CFAP20DC: variants seen among roughly 807,000 people sequenced by gnomAD.
The protein encoded by CFAP20DC is CFAP20 domain containing, also known as protein CFAP20DC.
A neutral mutation model predicts 101.7 loss-of-function variants in CFAP20DC; 84 were observed. The ratio of observed to expected loss-of-function variants is 0.83; its 90% CI spans 0.69 to 0.99. The LOEUF is 0.99. Among genes scored for constraint, CFAP20DC ranks in the 50% least tolerant of loss-of-function variants. The probability of loss-of-function intolerance (pLI) is 0.00; values close to 1 mark genes in which losing one functional copy is unlikely to be tolerated. For synonymous variants in CFAP20DC, 359 were observed against 351.2 expected (o/e 1.02, Z -0.25); for missense variants, 1,007 against 970.3 (o/e 1.04, Z -0.50).
At chr3:58,786,159 A>G (rs1260358383) in intron 15 of CFAP20DC, among the ~76,000 whole-genome samples, 1 of 152,138 alleles carries the variant, frequency 6.6e-6, no homozygotes, top group Non-Finnish European at 1.5e-5. Flanking sequence ...TCCTTCTTTT[A>G]TTACAGGGTC....
intron 6 of CFAP20DC, among the ~76,000 whole-genome samples, chr3:58,890,185 A>AC (rs1162285205): frequency 1.5e-4 from 22 of 142,336 alleles, no homozygotes; most frequent in African/African-American, 3.2e-4. Flanking sequence ...CAGGGGGCTG[A>AC]CCCCCCCACC....
intron 4 of CFAP20DC, among the ~76,000 whole-genome samples, chr3:58,978,417 G>C (rs1423148262): frequency 2.0e-5 from 3 of 152,066 alleles, no homozygotes; most frequent in Non-Finnish European, 4.4e-5. Context: ...CTCAAGAAAA[G>C]TATTATTCTT....
intron 14 of CFAP20DC, among the ~76,000 whole-genome samples, chr3:58,807,973 G>T (rs1240331681): frequency 3.3e-5 from 5 of 152,168 alleles, no homozygotes; most frequent in Non-Finnish European, 7.3e-5. Context: ...AGTGATGGAA[G>T]ATGAAATGAA....
chr3:58,864,828 G>A lies in CFAP20DC; in HGVS notation c.1259-936C>T, dbSNP rs943969026. Among the ~76,000 whole-genome samples, 3 of 152,144 alleles carry A rather than the reference G, an allele frequency of 2.0e-5. No homozygotes were observed. The highest frequency in any genetic ancestry group is 4.4e-5 in the Non-Finnish European group (3 of 68,016). On this transcript the variant is annotated intron_variant, in intron 11 of 16. Coordinates refer to ENST00000482387, the MANE Select transcript of CFAP20DC (RefSeq NM_001394063.1). The surrounding 1 kb of genome is among the most constrained non-coding windows in gnomAD (Gnocchi z 4.7). ...TCTGCTGGGTGAAAAAGGTCTTTAA[G>A]TTTACAAGAGACAATGTTTTGATAT...
At chr3:58,862,325 G>C (rs2079319038) in intron 12 of CFAP20DC, 1 of 985,376 alleles carries the variant, frequency 1.0e-6, no homozygotes, top group African/African-American at 1.7e-5. Context: ...ACACTATTAG[G>C]TGCTGAAGAC....
chr3:59,005,210 G>C (rs1471405848), intron 4 of CFAP20DC, among the ~76,000 whole-genome samples: 1 of 152,080 alleles, frequency 6.6e-6, no homozygotes, highest in Admixed American at 6.6e-5. Flanking sequence ...GGCCTTGGTG[G>C]CTTCTGTTTT....
intron 14 of CFAP20DC, among the ~76,000 whole-genome samples, chr3:58,815,368 T>G (rs2075031597): frequency 6.8e-6 from 1 of 147,250 alleles, no homozygotes; most frequent in Non-Finnish European, 1.5e-5. Context: ...CAAGATGGAT[T>G]AAAGACTTAA....
Position 58,892,907 on chromosome 3 carries a change from C to T in CFAP20DC, c.551-8198G>A, listed in dbSNP as rs963503344. Among the ~76,000 whole-genome samples, 3 of 152,124 alleles carry T rather than the reference C, an allele frequency of 2.0e-5. No individual in the cohort carries two copies. The highest frequency in any genetic ancestry group is 6.5e-5 in the Admixed American group (1 of 15,276). On this transcript the variant is annotated intron_variant, in intron 6 of 16. Transcript: ENST00000482387. The surrounding 1 kb of genome is among the most constrained non-coding windows in gnomAD (Gnocchi z 4.0). Reference sequence around the variant, plus strand: ...TGAGAGAGGGCATTCTTGTCTTGTGCTGGTTTCCAAGGGGAATGCTTTCAG... The same window carrying T: ...TGAGAGAGGGCATTCTTGTCTTGTGTTGGTTTCCAAGGGGAATGCTTTCAG...
At chr3:58,794,273 T>C (rs2073071109) in intron 15 of CFAP20DC, 1 of 448,800 alleles carries the variant, frequency 2.2e-6, no homozygotes, top group Non-Finnish European at 4.5e-6. Context: ...AGCATTTTCT[T>C]GTCCTGAGCA....
At chr3:59,033,504 A>G (rs1216190765) in intron 4 of CFAP20DC, among the ~76,000 whole-genome samples, 2 of 152,164 alleles carry the variant, frequency 1.3e-5, no homozygotes, top group African/African-American at 2.4e-5. Context: ...AGAAGAACAT[A>G]AATGACCTGA....
chr3:58,784,483 G>C (rs978001080), intron 15 of CFAP20DC, among the ~76,000 whole-genome samples: 1 of 151,858 alleles, frequency 6.6e-6, no homozygotes, highest in African/African-American at 2.4e-5. Flanking sequence ...ATATACCCAC[G>C]TAACAAATCT....
chr3:58,991,409 G>A (rs987754777), intron 4 of CFAP20DC, among the ~76,000 whole-genome samples: 18 of 151,946 alleles, frequency 1.2e-4, no homozygotes, highest in Admixed American at 1.2e-3. Flanking sequence ...AAATATTCTT[G>A]AATGTTTGAA....
Position 58,912,633 on chromosome 3 carries a change from C to T in CFAP20DC, c.550+1075G>A, listed in dbSNP as rs1046069671. 9.4e-6 allele frequency: 4 copies of T among 425,130 alleles called. No homozygotes were observed. The highest frequency in any genetic ancestry group is 6.2e-5 in the African/African-American group (3 of 48,180). 26.3% of individuals were successfully genotyped at this position (425,130 alleles called of 1,614,324 possible). ...AGAATTGATTTAACAAATAATAATCCCAGATGAAAATCAAAAGGAGGCATC... is the reference window on the plus strand; with the variant it reads ...AGAATTGATTTAACAAATAATAATCTCAGATGAAAATCAAAAGGAGGCATC... On this transcript the variant is annotated intron_variant, in intron 6 of 16. Coordinates refer to ENST00000482387, the MANE Select transcript of CFAP20DC (RefSeq NM_001394063.1). This position sits in a 1 kb window ranked among gnomAD's most constrained non-coding sequence, Gnocchi z 4.4.
At chr3:59,019,364 G>A (rs1326563268) in intron 4 of CFAP20DC, among the ~76,000 whole-genome samples, 2 of 151,862 alleles carry the variant, frequency 1.3e-5, no homozygotes, top group African/African-American at 2.4e-5. Context: ...TACAGGTGAC[G>A]CACGAGTTCT....
Position 58,868,077 on chromosome 3 carries a change from C to T in CFAP20DC, c.1016-141G>A. 3 of 1,014,600 alleles carry T rather than the reference C, an allele frequency of 3.0e-6. No individual in the cohort carries two copies. Among genetic ancestry groups the T allele is most frequent in the Non-Finnish European group, 4.1e-6 (3 of 730,916 alleles). The allele number at this position is 1,014,600 out of a possible 1,614,324, so 62.8% of individuals were successfully genotyped here. A position where few individuals can be genotyped will look rare whatever the true frequency, so the allele number is the denominator to read the frequency against. On this transcript the variant is annotated intron_variant, in intron 9 of 16. Coordinates refer to ENST00000482387, the MANE Select transcript of CFAP20DC (RefSeq NM_001394063.1). This position sits in a 1 kb window ranked among gnomAD's most constrained non-coding sequence, Gnocchi z 4.6. ...ATGTGAAGATACATCAAAAATACAACTTCATAGAAAATAGGCATTTATTCC... is the reference window on the plus strand; with the variant it reads ...ATGTGAAGATACATCAAAAATACAATTTCATAGAAAATAGGCATTTATTCC...
intron 15 of CFAP20DC, among the ~76,000 whole-genome samples, chr3:58,782,208 C>G (rs542309207): frequency 2.6e-5 from 4 of 152,044 alleles, no homozygotes; most frequent in African/African-American, 9.6e-5. Context: ...TCAATAGATG[C>G]AGAAGTAGCA....
intron 5 of CFAP20DC, among the ~76,000 whole-genome samples, chr3:58,925,525 TTAAAA>T (rs1345997847): frequency 1.3e-5 from 2 of 152,198 alleles, no homozygotes; most frequent in Non-Finnish European, 2.9e-5. Flanking sequence ...TATTTGCTAA[TTAAAA>T]TAAACTGTAA....
chr3:58,956,451 G>C (rs901479112), intron 4 of CFAP20DC, among the ~76,000 whole-genome samples: 1 of 152,074 alleles, frequency 6.6e-6, no homozygotes, highest in Non-Finnish European at 1.5e-5. Context: ...CTCTGCCTTT[G>C]GAAAGGGGAG....
chr3:58,787,058 A>C (rs191729688), intron 15 of CFAP20DC, among the ~76,000 whole-genome samples: 1 of 152,118 alleles, frequency 6.6e-6, no homozygotes, highest in Admixed American at 6.6e-5. Context: ...ATACAAAGAA[A>C]GAATATTATT....
Sources: gnomAD v4.1 joint callset for allele counts (sites outside exome capture counted in the v4.1 genomes callset) on GRCh38, gnomAD v4.1.1 for gene constraint, Gnocchi (gnomAD v3.1) non-coding constraint, MANE v1.5 for transcripts, NCBI Gene and HGNC (gene_info 2026-07-23, HGNC 2026-07-21) for gene names.